CAB39: variants seen among roughly 807,000 people sequenced by gnomAD.
The protein encoded by CAB39 is calcium-binding protein 39.
A neutral mutation model predicts 40.0 loss-of-function variants in CAB39; 8 were observed. The observed-to-expected ratio is 0.20, with a 90% confidence interval of 0.12 to 0.36. The LOEUF is 0.36. Among genes scored for constraint, CAB39 ranks in the 10% least tolerant of loss-of-function variants. CAB39 has a pLI of 1.00. For synonymous variants in CAB39, 156 were observed against 141.6 expected (o/e 1.10, Z -0.72); for missense variants, 270 against 401.1 (o/e 0.67, Z 2.79).
At chr2:230,757,321 C>G (rs972050845) in intron 1 of CAB39, among the ~76,000 whole-genome samples, 2 of 152,102 alleles carry the variant, frequency 1.3e-5, no homozygotes, top group African/African-American at 4.8e-5. Context: ...GTCTCAAACT[C>G]CTGACCTCAA....
At position 230,819,580 on chromosome 2, in the gene CAB39, A is replaced by G. The variant is rs917442197; in HGVS notation, c.*876A>G. ...TATTACCTAATACTGAGTTTTTGCA[A>G]AAAACAATGAATGCTCATATGTAAT... is the stretch of plus-strand genomic sequence containing the variant. On this transcript the variant is annotated 3_prime_UTR_variant, in exon 9 of 9. Transcript: ENST00000258418. The G allele has an allele frequency of 1.8e-4, 27 of 152,776 alleles. 1 individual carries two copies. Among genetic ancestry groups the G allele is most frequent in the Non-Finnish European group, 4.0e-4 (27 of 68,024 alleles). The allele number at this position is 152,776 out of a possible 1,614,324, so 9.5% of individuals were successfully genotyped here.
chr2:230,807,524 C>T (rs141230637), intron 5 of CAB39, among the ~76,000 whole-genome samples: 246 of 147,576 alleles, frequency 1.7e-3, no homozygotes, highest in African/African-American at 5.6e-3. Context: ...CCCTTTCAAT[C>T]GCTCTTACCC....
At chr2:230,724,191 G>A (rs528242591) in intron 1 of CAB39, among the ~76,000 whole-genome samples, 6 of 151,412 alleles carry the variant, frequency 4.0e-5, no homozygotes, top group East Asian at 3.9e-4. Context: ...AGGTTGCAGC[G>A]CGCCGAGATT....
intron 2 of CAB39, among the ~76,000 whole-genome samples, chr2:230,765,437 A>G (rs201969167): frequency 1.3e-5 from 2 of 152,184 alleles, no homozygotes; most frequent in African/African-American, 2.4e-5. Context: ...ACGCTTTGAA[A>G]GGGTCTTGAG....
At chr2:230,767,051 T>C (rs1410724135) in intron 2 of CAB39, among the ~76,000 whole-genome samples, 5 of 152,232 alleles carry the variant, frequency 3.3e-5, no homozygotes, top group Admixed American at 3.3e-4. Flanking sequence ...TGGCCTATGT[T>C]ATTAGAAGTA....
At chr2:230,814,400 T>A (rs556649487) in intron 7 of CAB39, among the ~76,000 whole-genome samples, 1 of 152,296 alleles carries the variant, frequency 6.6e-6, no homozygotes, top group South Asian at 2.1e-4. Flanking sequence ...CATAGTCATA[T>A]CAGCTAGATG....
chr2:230,814,093 G>A lies in CAB39; in HGVS notation c.672G>A (p.Val224=). The change falls in exon 7 of 9, where the codon GTG becomes GTA. Residue 224 remains valine, a synonymous_variant. Coordinates refer to ENST00000258418, the MANE Select transcript of CAB39 (RefSeq NM_016289.4). The part of the protein sequence containing the change: ...YEKLLHSENY[V]TKRQSLKLLG... ...AGTTACTTCATTCAGAAAATTATGT[G>A]ACAAAAAGACAGTCACTGAAGGTAT... The A allele has an allele frequency of 7.3e-7, 1 of 1,365,656 alleles. No homozygotes were observed. The highest frequency in any genetic ancestry group is 9.9e-7 in the Non-Finnish European group (1 of 1,008,328). 84.6% of individuals were successfully genotyped at this position (1,365,656 alleles called of 1,614,324 possible).
chr2:230,732,078 CTCTT>C (rs977424630), intron 1 of CAB39, among the ~76,000 whole-genome samples: 7 of 151,532 alleles, frequency 4.6e-5, no homozygotes, highest in South Asian at 2.1e-4. Flanking sequence ...AATTATCTCT[CTCTT>C]TTTTTTTTTT....
chr2:230,815,751 T>C (rs1283314353), intron 7 of CAB39, among the ~76,000 whole-genome samples: 2 of 152,210 alleles, frequency 1.3e-5, no homozygotes, highest in Non-Finnish European at 2.9e-5. Context: ...TTCCAAGCCC[T>C]TAGGAATGGA....
At chr2:230,722,015 C>A (rs180940532) in intron 1 of CAB39, among the ~76,000 whole-genome samples, 12 of 150,314 alleles carry the variant, frequency 8.0e-5, no homozygotes, top group Non-Finnish European at 1.6e-4. Context: ...AGTTGGAATT[C>A]AACTAAGATT....
chr2:230,760,179 G>A lies in CAB39; in HGVS notation c.114+64G>A. The A allele has an allele frequency of 3.1e-6, 3 of 963,822 alleles. No individual in the cohort carries two copies. The Admixed American group carries it at 6.1e-5, about 20-fold the overall frequency. 59.7% of individuals were successfully genotyped at this position (963,822 alleles called of 1,614,324 possible). ...TTAGCAAATGCAAGACACCTTATAT[G>A]AGGAATCAGTAAGTCCCAATTTGGG... On this transcript the variant is annotated intron_variant, in intron 2 of 8. Transcript: ENST00000258418.
At chr2:230,781,756 C>G (rs1010881688) in intron 2 of CAB39, among the ~76,000 whole-genome samples, 3 of 152,210 alleles carry the variant, frequency 2.0e-5, no homozygotes, top group Admixed American at 2.0e-4. Context: ...TATATTGACA[C>G]AATGCCTGCA....
chr2:230,722,894 G>T (rs1161616664), intron 1 of CAB39, among the ~76,000 whole-genome samples: 1 of 152,070 alleles, frequency 6.6e-6, no homozygotes, highest in Non-Finnish European at 1.5e-5. Flanking sequence ...TAGCGAAAAG[G>T]AGCCACTTAA....
intron 1 of CAB39, among the ~76,000 whole-genome samples, chr2:230,720,322 C>A (rs1694425278): frequency 6.6e-6 from 1 of 152,216 alleles, no homozygotes; most frequent in Non-Finnish European, 1.5e-5. Context: ...GCTTAGATCA[C>A]AGGGTTCTTT....
At chr2:230,796,722 C>T (rs1362929961) in intron 4 of CAB39, among the ~76,000 whole-genome samples, 1 of 151,786 alleles carries the variant, frequency 6.6e-6, no homozygotes, top group African/African-American at 2.4e-5. Context: ...TACAGGATTT[C>T]AGAGGATAAA....
At chr2:230,769,711 G>T (rs1695449787) in intron 2 of CAB39, among the ~76,000 whole-genome samples, 1 of 151,980 alleles carries the variant, frequency 6.6e-6, no homozygotes, top group South Asian at 2.1e-4. Context: ...GGACATAGTG[G>T]CTCATGCCTG....
intron 1 of CAB39, among the ~76,000 whole-genome samples, chr2:230,730,241 T>C (rs1429584179): frequency 1.3e-5 from 2 of 152,160 alleles, no homozygotes; most frequent in Non-Finnish European, 2.9e-5. Flanking sequence ...CTCGAGTAGC[T>C]GGGACTGCAG....
intron 1 of CAB39, among the ~76,000 whole-genome samples, chr2:230,746,430 G>A (rs888191799): frequency 3.9e-5 from 6 of 152,186 alleles, no homozygotes; most frequent in Admixed American, 6.5e-5. Flanking sequence ...AAGCTGTGAC[G>A]CTGCATAACA....
intron 2 of CAB39, among the ~76,000 whole-genome samples, chr2:230,786,859 T>A (rs767353622): frequency 6.6e-6 from 1 of 152,220 alleles, no homozygotes; most frequent in Non-Finnish European, 1.5e-5. Context: ...CACCTACTAT[T>A]GCTAAATGAT....
Sources: allele counts gnomAD v4.1 joint callset (sites outside exome capture counted in the v4.1 genomes callset), GRCh38; gene constraint gnomAD v4.1.1; transcripts MANE v1.5; gene names NCBI Gene and HGNC (gene_info 2026-07-23, HGNC 2026-07-21).